STXBP5L: variants seen among roughly 807,000 people sequenced by gnomAD.
The protein encoded by STXBP5L is syntaxin-binding protein 5-like.
In STXBP5L, 65 loss-of-function variants were observed where a neutral mutation model predicts 144.5. That is an observed-to-expected ratio of 0.45 (90% confidence interval 0.37 to 0.55). STXBP5L has a LOEUF of 0.55. Among genes scored for constraint, STXBP5L ranks in the 20% least tolerant of loss-of-function variants. The probability of loss-of-function intolerance (pLI) is 0.00; values close to 1 mark genes in which losing one functional copy is unlikely to be tolerated. For synonymous variants in STXBP5L, 505 were observed against 469.6 expected, an observed-to-expected ratio of 1.08 and a Z score of -0.97; for missense variants, 1,298 against 1,405.5, an observed-to-expected ratio of 0.92 and a Z score of 1.22.
intron 20 of STXBP5L, among the ~76,000 whole-genome samples, chr3:121,324,878 A>C (rs1164901687): frequency 1.3e-5 from 2 of 152,030 alleles, no homozygotes; most frequent in African/African-American, 4.8e-5. Context: ...GTCTCTAAGA[A>C]AGTAAGGGGG....
chr3:121,113,050 A>G (rs2044066299), intron 5 of STXBP5L, among the ~76,000 whole-genome samples: 1 of 152,118 alleles, frequency 6.6e-6, no homozygotes, highest in African/African-American at 2.4e-5. Flanking sequence ...ATAAGGTGAA[A>G]CCTGTCTGAT....
chr3:121,250,498 T>C (rs2049995263), intron 14 of STXBP5L, among the ~76,000 whole-genome samples: 1 of 152,076 alleles, frequency 6.6e-6, no homozygotes, highest in African/African-American at 2.4e-5. Flanking sequence ...TACAGTAAAG[T>C]CTAAGGAATT....
intron 3 of STXBP5L, among the ~76,000 whole-genome samples, chr3:120,979,499 C>T (rs1941510972): frequency 6.6e-6 from 1 of 152,164 alleles, no homozygotes; most frequent in Non-Finnish European, 1.5e-5. Context: ...CTTGTGCTTC[C>T]CGAGTGAAGC....
intron 5 of STXBP5L, among the ~76,000 whole-genome samples, chr3:121,062,657 G>A (rs1173451105): frequency 6.6e-6 from 1 of 152,146 alleles, no homozygotes; most frequent in African/African-American, 2.4e-5. Context: ...TTAAACATAG[G>A]TTAGGTCTTT....
intron 9 of STXBP5L, among the ~76,000 whole-genome samples, chr3:121,170,483 G>C (rs2046667783): frequency 6.6e-6 from 1 of 151,944 alleles, no homozygotes; most frequent in Non-Finnish European, 1.5e-5. Flanking sequence ...GAATCAAATA[G>C]ACACAATAAA....
chr3:121,422,636 A>G lies in STXBP5L; in HGVS notation c.*3539A>G, dbSNP rs1004189001. 5 of 152,160 alleles carry G rather than the reference A, an allele frequency of 3.3e-5. No individual in the cohort carries two copies. Among genetic ancestry groups the G allele is most frequent in the African/African-American group, 4.8e-5 (2 of 41,454 alleles). The allele number at this position is 152,160 out of a possible 1,614,324, so 9.4% of individuals were successfully genotyped here. On this transcript the variant is annotated 3_prime_UTR_variant, in exon 27 of 27. Coordinates refer to ENST00000471454, the MANE Select transcript of STXBP5L (RefSeq NM_001308330.2). ...ACTGAGCCCCAGACTTTAGGGCCCC[A>G]ATCATTGTCAAGATCATTGTCTAAC...
chr3:121,142,907 G>C (rs2045565701), intron 7 of STXBP5L, among the ~76,000 whole-genome samples: 1 of 151,446 alleles, frequency 6.6e-6, no homozygotes, highest in South Asian at 2.1e-4. Flanking sequence ...AAATGAAATG[G>C]ATAAAAAAAT....
chr3:121,092,441 G>T (rs1224521283), intron 5 of STXBP5L, among the ~76,000 whole-genome samples: 4 of 151,928 alleles, frequency 2.6e-5, no homozygotes, highest in Non-Finnish European at 5.9e-5. Flanking sequence ...TCCTCTTTAA[G>T]TTCATTGAGC....
chr3:121,411,373 G>A (rs1275345197), intron 23 of STXBP5L, among the ~76,000 whole-genome samples: 1 of 151,962 alleles, frequency 6.6e-6, no homozygotes, highest in African/African-American at 2.4e-5. Context: ...CTGGTTTTAT[G>A]ATCTAGGACA....
In STXBP5L at chr3:120,966,671, A is replaced by C. The variant is rs181359050; in HGVS notation, c.287+11634A>C. Among the ~76,000 whole-genome samples, 345 of 152,192 alleles carry C rather than the reference A, an allele frequency of 2.3e-3. 2 individuals are homozygous for C. Among genetic ancestry groups the C allele is most frequent in the Non-Finnish European group, 3.9e-3 (265 of 68,010 alleles). On this transcript the variant is annotated intron_variant, in intron 3 of 26. Transcript: ENST00000471454. ...TATTGCTGCCTGATCCTTCCTCTGG[A>C]AGCTTCATCCCAGAGTGGCAGCTGT...
intron 6 of STXBP5L, among the ~76,000 whole-genome samples, chr3:121,116,383 A>G (rs2044229911): frequency 6.6e-6 from 1 of 151,914 alleles, no homozygotes; most frequent in Non-Finnish European, 1.5e-5. Flanking sequence ...TACTAGTTAT[A>G]CTCTTGTCAT....
At chr3:121,292,959 A>G (rs1474810078) in intron 19 of STXBP5L, among the ~76,000 whole-genome samples, 1 of 152,216 alleles carries the variant, frequency 6.6e-6, no homozygotes, top group East Asian at 1.9e-4. Flanking sequence ...TGGGTGCACT[A>G]AAATCTCAGG....
intron 5 of STXBP5L, among the ~76,000 whole-genome samples, chr3:121,109,255 G>A (rs1027356999): frequency 6.6e-6 from 1 of 152,014 alleles, no homozygotes; most frequent in African/African-American, 2.4e-5. Context: ...TCTGATCTTG[G>A]TTATTTCTTG....
intron 7 of STXBP5L, among the ~76,000 whole-genome samples, chr3:121,132,007 T>C (rs891269689): frequency 2.0e-5 from 3 of 152,152 alleles, no homozygotes; most frequent in African/African-American, 4.8e-5. Flanking sequence ...AGGTTGCAGC[T>C]TCACCTAAGG....
In STXBP5L at chr3:121,376,970, A is replaced by T. The variant is rs575738474; in HGVS notation, c.2177-1746A>T. Among the ~76,000 whole-genome samples, 608 of 152,048 alleles carry T rather than the reference A, an allele frequency of 4.0e-3. 1 individual carries two copies. The highest frequency in any genetic ancestry group is 0.014 in the African/African-American group (562 of 41,474). On this transcript the variant is annotated intron_variant, in intron 20 of 26. Transcript: ENST00000471454. ...TCCCTTGTAAGTTGGATTCCTAGGT[A>T]TTTTATTCTCTTTGAAGCAATTGTG...
At chr3:120,958,886 T>C (rs1376075792) in intron 3 of STXBP5L, among the ~76,000 whole-genome samples, 1 of 152,190 alleles carries the variant, frequency 6.6e-6, no homozygotes. Flanking sequence ...TTCAACATAG[T>C]GTTGGAAGTT....
intron 9 of STXBP5L, among the ~76,000 whole-genome samples, chr3:121,203,615 A>G (rs2108222758): frequency 6.6e-6 from 1 of 152,298 alleles, no homozygotes; most frequent in South Asian, 2.1e-4. Context: ...TCAAAGCACA[A>G]AAATTCTCTC....
At chr3:121,002,894 T>G (rs1943911452) in intron 3 of STXBP5L, among the ~76,000 whole-genome samples, 1 of 152,204 alleles carries the variant, frequency 6.6e-6, no homozygotes, top group East Asian at 1.9e-4. Context: ...CTCATCATTT[T>G]TTATGGCTGC....
At position 121,415,868 on chromosome 3, in the gene STXBP5L, A is replaced by T. The variant is rs1345230337; in HGVS notation, c.3126A>T (p.Gly1042=). ...TGAATTTGATGCAGGACATGCTAGGAGATTTGTTTACTCCCATAGAGACAC... is the reference window on the plus strand; with the variant it reads ...TGAATTTGATGCAGGACATGCTAGGTGATTTGTTTACTCCCATAGAGACAC... ...EMCDNLQDML[G]DLFTPIETPE... Residue 1042 remains glycine (G), a synonymous_variant, in exon 25 of 27, where the codon GGA becomes GGT. Transcript: ENST00000471454. The T allele has an allele frequency of 6.2e-7, 1 of 1,604,238 alleles. No individual in the cohort carries two copies. Among genetic ancestry groups the T allele is most frequent in the Non-Finnish European group, 8.5e-7 (1 of 1,174,984 alleles).
Sources: gnomAD v4.1 joint callset for allele counts (sites outside exome capture counted in the v4.1 genomes callset) on GRCh38, gnomAD v4.1.1 for gene constraint, MANE v1.5 for transcripts, NCBI Gene and HGNC (gene_info 2026-07-23, HGNC 2026-07-21) for gene names.